The following PRPSAP1 variants were observed in gnomAD, a reference collection of about 807,000 sequenced individuals.
PRPSAP1 encodes the protein phosphoribosyl pyrophosphate synthetase associated protein 1, also known as phosphoribosyl pyrophosphate synthase-associated protein 1.
A neutral mutation model predicts 39.4 loss-of-function variants in PRPSAP1; 31 were observed. The observed-to-expected ratio is 0.79, with a 90% CI of 0.59 to 1.06. The LOEUF is 1.06. Ranked by LOEUF, PRPSAP1 falls within the 50% of genes least tolerant of loss-of-function variation. PRPSAP1 has a pLI of 0.00. For missense variants in PRPSAP1, 430 were observed against 511.6 expected, an observed-to-expected ratio of 0.84 and a Z score of 1.54; for synonymous variants, 212 against 192.6, an observed-to-expected ratio of 1.10 and a Z score of -0.83.
At chr17:76,347,222 C>G (rs1177955906) in intron 2 of PRPSAP1, among the ~76,000 whole-genome samples, 1 of 151,334 alleles carries the variant, frequency 6.6e-6, no homozygotes, top group Non-Finnish European at 1.5e-5. Flanking sequence ...CGCGGTGGCT[C>G]ATGCCTGTAA....
At chr17:76,339,993 T>C (rs2071418329) in intron 3 of PRPSAP1, among the ~76,000 whole-genome samples, 1 of 151,044 alleles carries the variant, frequency 6.6e-6, no homozygotes, top group Admixed American at 6.6e-5. Context: ...TAGCCATGCA[T>C]GGTGGCATGT....
At chr17:76,341,287 G>A (rs1437554850) in intron 3 of PRPSAP1, among the ~76,000 whole-genome samples, 1 of 141,748 alleles carries the variant, frequency 7.1e-6, no homozygotes, top group Non-Finnish European at 1.5e-5. Context: ...GCCCAGGTTA[G>A]AGTAGAGTGG....
At chr17:76,347,823 G>T (rs1428890454) in intron 2 of PRPSAP1, among the ~76,000 whole-genome samples, 1 of 152,090 alleles carries the variant, frequency 6.6e-6, no homozygotes, top group Non-Finnish European at 1.5e-5. Flanking sequence ...GAGCAGCAGA[G>T]GTTGTGAGAA....
chr17:76,324,519 T>G (rs1426810110), intron 7 of PRPSAP1, among the ~76,000 whole-genome samples: 1 of 151,124 alleles, frequency 6.6e-6, no homozygotes, highest in African/African-American at 2.4e-5. Context: ...GAGAATCACT[T>G]AAATCCAGGA....
chr17:76,338,752 G>A (rs2071404738), intron 3 of PRPSAP1, among the ~76,000 whole-genome samples: 1 of 151,592 alleles, frequency 6.6e-6, no homozygotes, highest in Non-Finnish European at 1.5e-5. Context: ...TAAAAAATTA[G>A]GCCAGGCATG....
chr17:76,353,139 T>G (rs1205541023), intron 1 of PRPSAP1: 3 of 175,290 alleles, frequency 1.7e-5, no homozygotes, highest in Non-Finnish European at 3.6e-5. Flanking sequence ...CAGTGAGACT[T>G]GAGAGTGGCG....
At position 76,315,306 on chromosome 17, in the gene PRPSAP1, T is replaced by C. The variant is rs1181548742; in HGVS notation, c.782-1415A>G. Among the ~76,000 whole-genome samples, 27 of 152,226 alleles carry C rather than the reference T, an allele frequency of 1.8e-4. 1 individual carries two copies. On this transcript the variant is annotated intron_variant, in intron 7 of 9. Coordinates refer to ENST00000446526, the MANE Select transcript of PRPSAP1 (RefSeq NM_002766.3). ...GTATTCTTTCTTTAAACTTTGTTAT[T>C]ATTCTGAAATATTTATTAGGCTAGT...
At chr17:76,325,237 G>A (rs570179527) in intron 7 of PRPSAP1, among the ~76,000 whole-genome samples, 5 of 150,548 alleles carry the variant, frequency 3.3e-5, no homozygotes, top group South Asian at 2.1e-4. Flanking sequence ...GTGAAATGCC[G>A]TCTCTACTAA....
At chr17:76,352,855 G>A (rs1362530691) in intron 1 of PRPSAP1, among the ~76,000 whole-genome samples, 1 of 152,118 alleles carries the variant, frequency 6.6e-6, no homozygotes, top group African/African-American at 2.4e-5. Flanking sequence ...CACAGAGCTA[G>A]TAAGTGGCAA....
chr17:76,343,210 A>T (rs1389689099), intron 3 of PRPSAP1, among the ~76,000 whole-genome samples: 1 of 152,212 alleles, frequency 6.6e-6, no homozygotes, highest in Non-Finnish European at 1.5e-5. Flanking sequence ...TTTTTCAGAG[A>T]CACAGATGGT....
chr17:76,340,750 C>T (rs908518870), intron 3 of PRPSAP1, among the ~76,000 whole-genome samples: 1 of 151,822 alleles, frequency 6.6e-6, no homozygotes, highest in South Asian at 2.1e-4. Context: ...ATTAGCCGGG[C>T]GTAGTGGCAC....
chr17:76,313,919 C>G lies in PRPSAP1; in HGVS notation c.782-28G>C, dbSNP rs766161604. ...AGCAAAACAAAACAAATTACAAGAT[C>G]TCAGTCATTCATGTATCACTAGAGA... On this transcript the variant is annotated intron_variant, in intron 7 of 9. Transcript: ENST00000446526. The G allele has an allele frequency of 1.2e-5, 20 of 1,610,760 alleles. No individual in the cohort carries two copies. In the South Asian group the frequency reaches 2.2e-4, roughly 18 times the overall value.
intron 7 of PRPSAP1, among the ~76,000 whole-genome samples, chr17:76,327,891 C>T (rs997190691): frequency 1.3e-5 from 2 of 152,086 alleles, no homozygotes; most frequent in African/African-American, 4.8e-5. Context: ...AAGAGGAAAT[C>T]GGGCCTGGCA....
At chr17:76,328,592 G>A (rs781716419) in intron 7 of PRPSAP1, 125 bp downstream of exon 7, 5 of 1,235,362 alleles carry the variant, frequency 4.0e-6, no homozygotes, top group Admixed American at 2.3e-5. Context: ...CTGGGTGACA[G>A]AGTGAGACTC....
In PRPSAP1 at chr17:76,310,354, G is replaced by C. The variant is rs575193697; in HGVS notation, c.*1188C>G. Reference sequence around the variant, plus strand: ...TAGGCTAATTTTTGTATTTTTAGTAGAGACGGGGTTTTGCCATGTTGGCCA... The same window carrying C: ...TAGGCTAATTTTTGTATTTTTAGTACAGACGGGGTTTTGCCATGTTGGCCA... On this transcript the variant is annotated 3_prime_UTR_variant, in exon 10 of 10. Coordinates refer to ENST00000446526, the MANE Select transcript of PRPSAP1 (RefSeq NM_002766.3). The C allele has an allele frequency of 6.6e-6, 1 of 151,930 alleles. No homozygotes were observed. The highest frequency in any genetic ancestry group is 2.1e-4 in the South Asian group (1 of 4,814). 9.4% of individuals were successfully genotyped at this position (151,930 alleles called of 1,614,324 possible).
intron 7 of PRPSAP1, among the ~76,000 whole-genome samples, chr17:76,315,393 C>G (rs188794362): frequency 1.3e-5 from 2 of 152,224 alleles, no homozygotes; most frequent in African/African-American, 2.4e-5. Flanking sequence ...TACCAACAAA[C>G]AATTTTTGCA....
At chr17:76,314,798 A>T (rs1460612250) in intron 7 of PRPSAP1, 1 of 152,296 alleles carries the variant, frequency 6.6e-6, no homozygotes, top group Non-Finnish European at 1.5e-5. Context: ...CACAGCTGGA[A>T]AGACAACGAA....
chr17:76,351,119 C>T (rs1450123827), intron 1 of PRPSAP1, among the ~76,000 whole-genome samples: 1 of 152,028 alleles, frequency 6.6e-6, no homozygotes, highest in Non-Finnish European at 1.5e-5. Context: ...CCAGGTGGGC[C>T]GGGCGCAGTA....
chr17:76,322,351 G>A (rs1194824741), intron 7 of PRPSAP1, among the ~76,000 whole-genome samples: 1 of 152,132 alleles, frequency 6.6e-6, no homozygotes, highest in African/African-American at 2.4e-5. Context: ...AGCCGAGATC[G>A]TGCCATTGCA....
Sources: gnomAD v4.1 joint callset for allele counts (sites outside exome capture counted in the v4.1 genomes callset) on GRCh38, gnomAD v4.1.1 for gene constraint, MANE v1.5 for transcripts, NCBI Gene and HGNC (gene_info 2026-07-23, HGNC 2026-07-21) for gene names.